PRDM11: variants seen among roughly 807,000 people sequenced by gnomAD.
The protein encoded by PRDM11 is PR domain-containing protein 11.
Under a neutral mutation model 97.8 loss-of-function variants are expected in PRDM11, and 20 were observed. That is an observed-to-expected ratio of 0.20 (90% CI 0.14 to 0.30). PRDM11 has a LOEUF of 0.30. PRDM11 is among the 10% of genes least tolerant of loss of function. The pLI is 1.00. For missense variants in PRDM11, 1,139 were observed against 1,555.2 expected, an observed-to-expected ratio of 0.73 and a Z score of 4.50; for synonymous variants, 599 against 637.7, an observed-to-expected ratio of 0.94 and a Z score of 0.91.
At chr11:45,167,412 C>T (rs1027283869) in intron 1 of PRDM11, among the ~76,000 whole-genome samples, 3 of 152,084 alleles carry the variant, frequency 2.0e-5, no homozygotes, top group African/African-American at 7.2e-5. Context: ...GTTTATTATT[C>T]ACAGCAAACA....
chr11:45,217,084 G>A (rs943523474), intron 5 of PRDM11, among the ~76,000 whole-genome samples: 1 of 152,212 alleles, frequency 6.6e-6, no homozygotes, highest in African/African-American at 2.4e-5. Context: ...CTGGGAGCAG[G>A]AAAGTTTGGA....
intron 1 of PRDM11, among the ~76,000 whole-genome samples, chr11:45,124,389 A>C (rs1852516451): frequency 6.6e-6 from 1 of 151,946 alleles, no homozygotes; most frequent in Admixed American, 6.6e-5. Context: ...GTTGAATAGG[A>C]GTGGTGAGAG....
At chr11:45,150,268 C>T (rs1036360534) in intron 1 of PRDM11, among the ~76,000 whole-genome samples, 1 of 152,212 alleles carries the variant, frequency 6.6e-6, no homozygotes. Flanking sequence ...GCTGAATTCC[C>T]TTCTTTATAG....
chr11:45,165,699 C>G (rs938138533), intron 1 of PRDM11, among the ~76,000 whole-genome samples: 2 of 152,226 alleles, frequency 1.3e-5, no homozygotes, highest in South Asian at 4.1e-4. Context: ...TGAACATCCA[C>G]GTTTTTACAT....
At chr11:45,164,174 C>G (rs1303940079) in intron 1 of PRDM11, among the ~76,000 whole-genome samples, 1 of 152,168 alleles carries the variant, frequency 6.6e-6, no homozygotes, top group Non-Finnish European at 1.5e-5. Flanking sequence ...CCCAGCACCC[C>G]GCGGGTCCCC....
At chr11:45,126,809 T>A (rs1223144583) in intron 1 of PRDM11, among the ~76,000 whole-genome samples, 7 of 152,198 alleles carry the variant, frequency 4.6e-5, no homozygotes, top group Non-Finnish European at 1.0e-4. Flanking sequence ...CTGACAATTA[T>A]GTGTCTTGGA....
At chr11:45,206,893 G>T (rs774645647) in intron 5 of PRDM11, among the ~76,000 whole-genome samples, 5 of 152,190 alleles carry the variant, frequency 3.3e-5, no homozygotes, top group Admixed American at 1.3e-4. Flanking sequence ...ATCCTAGGTC[G>T]GTGTTCTTCC....
In PRDM11 at chr11:45,227,943, G is replaced by C; in HGVS notation, c.3318G>C (p.Leu1106=). The change falls in exon 8 of 8, where the codon CTG becomes CTC. Residue 1106 remains leucine, a synonymous_variant. Transcript: ENST00000683152. This position sits in a 1 kb window ranked among gnomAD's most constrained non-coding sequence, Gnocchi z 8.0. ...TTCGCAAAAACCACCGCTCCCGCCT[G>C]ACCCTGGAGCAGCTTAGCGACCTGT... is the stretch of plus-strand genomic sequence containing the variant. ...QRVRKNHRSR[L]TLEQLSDLLT... 6.5e-7 allele frequency: 1 copy of C among 1,533,912 alleles called. No homozygotes were observed. Among genetic ancestry groups the C allele is most frequent in the Non-Finnish European group, 8.7e-7 (1 of 1,146,730 alleles).
rs1854362157 is a variant in PRDM11, at chr11:45,229,721, T to C, written c.*1562T>C. 2 of 152,244 alleles carry C rather than the reference T, an allele frequency of 1.3e-5. No individual in the cohort carries two copies. Among genetic ancestry groups the C allele is most frequent in the African/African-American group, 2.4e-5 (1 of 41,458 alleles). 9.4% of individuals were successfully genotyped at this position (152,244 alleles called of 1,614,324 possible). ...CTACATCTGATTTATGCATATTTTA[T>C]ATGCAGAGATCCTATCACGTGGATG... is the stretch of plus-strand genomic sequence containing the variant. On this transcript the variant is annotated 3_prime_UTR_variant, in exon 8 of 8. Transcript: ENST00000683152.
chr11:45,210,625 C>T (rs1467778566), intron 5 of PRDM11, among the ~76,000 whole-genome samples: 1 of 152,202 alleles, frequency 6.6e-6, no homozygotes, highest in African/African-American at 2.4e-5. Context: ...CTTCCCGGGC[C>T]CCCTGCCATT....
At chr11:45,100,580 G>A (rs566015417) in intron 1 of PRDM11, among the ~76,000 whole-genome samples, 1 of 152,178 alleles carries the variant, frequency 6.6e-6, no homozygotes. Context: ...CTGATTGGCT[G>A]GTGAGATCAC....
At chr11:45,104,501 G>T (rs1473324763) in intron 1 of PRDM11, among the ~76,000 whole-genome samples, 1 of 152,106 alleles carries the variant, frequency 6.6e-6, no homozygotes, top group Non-Finnish European at 1.5e-5. Flanking sequence ...GAAGACTCTG[G>T]TCCTCCTACT....
chr11:45,171,070 TG>T (rs1021929607), intron 1 of PRDM11, among the ~76,000 whole-genome samples: 2 of 152,090 alleles, frequency 1.3e-5, no homozygotes, highest in African/African-American at 4.8e-5. Context: ...TTGAAGGTTA[TG>T]GGTTTTTTGT....
intron 1 of PRDM11, among the ~76,000 whole-genome samples, chr11:45,122,418 C>A (rs571394472): frequency 1.7e-3 from 257 of 151,422 alleles, no homozygotes; most frequent in African/African-American, 6.0e-3. Flanking sequence ...TATACATATG[C>A]CATGTTGGTG....
intron 1 of PRDM11, among the ~76,000 whole-genome samples, chr11:45,169,011 G>A (rs1244051068): frequency 6.6e-6 from 1 of 152,198 alleles, no homozygotes; most frequent in African/African-American, 2.4e-5. Flanking sequence ...TAGGACTTCA[G>A]GGCCCTCTTC....
upstream of PRDM11, among the ~76,000 whole-genome samples, chr11:45,145,508 A>G (rs1338223739): frequency 6.6e-6 from 1 of 152,192 alleles, no homozygotes; most frequent in African/African-American, 2.4e-5. Flanking sequence ...TCCCTGGGGT[A>G]GTACCCTCTG....
At chr11:45,116,908 G>A (rs1172038656) in intron 1 of PRDM11, among the ~76,000 whole-genome samples, 3 of 152,192 alleles carry the variant, frequency 2.0e-5, no homozygotes, top group Admixed American at 6.5e-5. Flanking sequence ...GCTGTCAAAG[G>A]AGAACAGGAG....
chr11:45,228,246 T>A lies in PRDM11; in HGVS notation c.*87T>A. On this transcript the variant is annotated 3_prime_UTR_variant, in exon 8 of 8. Transcript: ENST00000683152. ...TTTGATATATTATATAAATATATAT[T>A]ATATTATATTATATTATATTATATA... 3 of 164,244 alleles carry A rather than the reference T, an allele frequency of 1.8e-5. No homozygotes were observed. Among genetic ancestry groups the A allele is most frequent in the Non-Finnish European group, 2.3e-5 (3 of 129,680 alleles). The allele number at this position is 164,244 out of a possible 1,614,324, so 10.2% of individuals were successfully genotyped here.
intron 1 of PRDM11, among the ~76,000 whole-genome samples, chr11:45,173,114 T>A (rs1452197574): frequency 2.0e-5 from 3 of 152,080 alleles, no homozygotes; most frequent in African/African-American, 7.2e-5. Context: ...CCTGATCCAG[T>A]CATTGGGGAG....
Sources: gnomAD v4.1 joint callset for allele counts (sites outside exome capture counted in the v4.1 genomes callset) on GRCh38, gnomAD v4.1.1 for gene constraint, Gnocchi (gnomAD v3.1) non-coding constraint, MANE v1.5 for transcripts, NCBI Gene and HGNC (gene_info 2026-07-23, HGNC 2026-07-21) for gene names.